The following PIP5K1B variants were observed in gnomAD, a reference collection of about 807,000 sequenced individuals.
PIP5K1B encodes phosphatidylinositol 4-phosphate 5-kinase type-1 beta.
In PIP5K1B, 42 loss-of-function variants were observed where a neutral mutation model predicts 67.0. That is an observed-to-expected ratio of 0.63 (90% CI 0.49 to 0.81). The LOEUF is 0.81. Among genes scored for constraint, PIP5K1B ranks in the 30% least tolerant of loss-of-function variants. PIP5K1B has a pLI of 0.00. For missense variants in PIP5K1B, 459 were observed against 646.3 expected, an observed-to-expected ratio of 0.71 and a Z score of 3.14; for synonymous variants, 214 against 231.4, an observed-to-expected ratio of 0.92 and a Z score of 0.68.
At chr9:68,950,143 A>G (rs545727983) in intron 14 of PIP5K1B, among the ~76,000 whole-genome samples, 164 of 152,272 alleles carry the variant, frequency 1.1e-3, no homozygotes, top group Non-Finnish European at 1.2e-3. Context: ...TCTGACCTGA[A>G]GCCAACATAC....
chr9:68,877,198 C>T (rs952579422), intron 6 of PIP5K1B, among the ~76,000 whole-genome samples: 2 of 152,218 alleles, frequency 1.3e-5, no homozygotes, highest in African/African-American at 2.4e-5. Context: ...CCTTGACCTA[C>T]AAATTTGAGT....
chr9:68,919,363 C>A, intron 9 of PIP5K1B, 116 bp from the exon 10 acceptor site: 4 of 584,638 alleles, frequency 6.8e-6, no homozygotes, highest in East Asian at 3.1e-5. Flanking sequence ...GGGAGATAGC[C>A]CAGAATTCTT....
intron 2 of PIP5K1B, among the ~76,000 whole-genome samples, chr9:68,804,120 G>A (rs569483311): frequency 1.3e-4 from 20 of 152,268 alleles, no homozygotes; most frequent in African/African-American, 4.6e-4. Flanking sequence ...GAGCATAAAG[G>A]GAGTGGGATG....
chr9:68,757,607 T>G (rs1330390270), intron 2 of PIP5K1B, among the ~76,000 whole-genome samples: 1 of 152,184 alleles, frequency 6.6e-6, no homozygotes, highest in Non-Finnish European at 1.5e-5. Flanking sequence ...TAATATGACT[T>G]TCTAAGAATG....
intron 2 of PIP5K1B, chr9:68,782,639 G>A: frequency 6.0e-6 from 1 of 167,154 alleles, no homozygotes. Flanking sequence ...GCCTCAAGAT[G>A]GAGTGAAATT....
At chr9:68,860,013 G>A (rs1433349077) in intron 4 of PIP5K1B, among the ~76,000 whole-genome samples, 4 of 151,950 alleles carry the variant, frequency 2.6e-5, no homozygotes, top group Non-Finnish European at 4.4e-5. Context: ...AGTTAATTGA[G>A]GTAGTGTGCA....
At chr9:68,878,201 T>C (rs1461750318) in intron 6 of PIP5K1B, among the ~76,000 whole-genome samples, 1 of 152,218 alleles carries the variant, frequency 6.6e-6, no homozygotes, top group Non-Finnish European at 1.5e-5. Context: ...TCAAATTTAA[T>C]GGATTCTCTT....
chr9:68,825,927 C>T (rs1359870175), intron 4 of PIP5K1B, among the ~76,000 whole-genome samples: 2 of 152,196 alleles, frequency 1.3e-5, no homozygotes, highest in East Asian at 1.9e-4. Context: ...TATTAGGGAA[C>T]ACTCAGTGTT....
intron 1 of PIP5K1B, among the ~76,000 whole-genome samples, chr9:68,715,961 G>A (rs1455340689): frequency 6.6e-6 from 1 of 152,206 alleles, no homozygotes; most frequent in Admixed American, 6.5e-5. Flanking sequence ...TGAGATACTA[G>A]TGTCTTTGTT....
chr9:69,003,481 G>A (rs1256847333), intron 15 of PIP5K1B, among the ~76,000 whole-genome samples: 8 of 45,650 alleles, frequency 1.8e-4, no homozygotes, highest in South Asian at 6.5e-4. Context: ...AAAAAAAAGG[G>A]GGGGGGATAT....
At chr9:68,740,138 T>G (rs1057274492) in intron 1 of PIP5K1B, among the ~76,000 whole-genome samples, 3 of 152,198 alleles carry the variant, frequency 2.0e-5, no homozygotes, top group Non-Finnish European at 4.4e-5. Context: ...GCCAGTTCTG[T>G]GTGGCCCAAG....
intron 14 of PIP5K1B, among the ~76,000 whole-genome samples, chr9:68,953,180 C>T (rs530701034): frequency 6.6e-6 from 1 of 152,046 alleles, no homozygotes; most frequent in East Asian, 1.9e-4. Flanking sequence ...TGTTTCTGTC[C>T]TAGTTTCTGA....
At chr9:68,788,600 C>T (rs182761612) in intron 2 of PIP5K1B, 5 of 233,784 alleles carry the variant, frequency 2.1e-5, no homozygotes, top group African/African-American at 1.2e-4. Flanking sequence ...GACCCATGGT[C>T]TTCCTTAAAC....
At chr9:68,837,279 A>C (rs1409820500) in intron 4 of PIP5K1B, among the ~76,000 whole-genome samples, 1 of 152,216 alleles carries the variant, frequency 6.6e-6, no homozygotes, top group Non-Finnish European at 1.5e-5. Flanking sequence ...ACTTTACTAA[A>C]TTACCTTTAA....
In PIP5K1B at chr9:68,705,495, C is replaced by A. The variant is rs556592082; in HGVS notation, c.-510C>A. 2.6e-5 allele frequency: 4 copies of A among 151,448 alleles called. No individual in the cohort carries two copies. The East Asian group carries it at 7.8e-4, about 30-fold the overall frequency. 9.4% of individuals were successfully genotyped at this position (151,448 alleles called of 1,614,324 possible). The stretch of plus-strand genomic sequence containing the variant: ...CACTCGCCGCGGCGCGCGCGCACTG[C>A]ACACTCGTAGCCGCGCGCCCCCGCC... On this transcript the variant is annotated 5_prime_UTR_variant, in exon 1 of 16. Coordinates refer to ENST00000265382, the MANE Select transcript of PIP5K1B (RefSeq NM_003558.4).
At chr9:68,707,138 C>A (rs1031094452) in intron 1 of PIP5K1B, among the ~76,000 whole-genome samples, 2 of 152,014 alleles carry the variant, frequency 1.3e-5, no homozygotes, top group African/African-American at 2.4e-5. Flanking sequence ...CTGATATGGT[C>A]CTGTGGGCAG....
chr9:68,935,499 A>G (rs1484521871), intron 13 of PIP5K1B, among the ~76,000 whole-genome samples: 1 of 152,214 alleles, frequency 6.6e-6, no homozygotes, highest in Non-Finnish European at 1.5e-5. Context: ...GGATAGCTAC[A>G]GTAAGATGCA....
chr9:68,750,589 G>A (rs367569991), intron 2 of PIP5K1B, among the ~76,000 whole-genome samples: 53 of 152,338 alleles, frequency 3.5e-4, no homozygotes, highest in African/African-American at 1.1e-3. Flanking sequence ...GAAGAGGAAC[G>A]TGCTCCAACT....
chr9:68,736,187 G>C (rs1321384231), intron 1 of PIP5K1B, among the ~76,000 whole-genome samples: 1 of 152,182 alleles, frequency 6.6e-6, no homozygotes, highest in Non-Finnish European at 1.5e-5. Context: ...CTTTTGAGCA[G>C]AGGAATAGGG....
Sources: gnomAD v4.1 joint callset for allele counts (sites outside exome capture counted in the v4.1 genomes callset) on GRCh38, gnomAD v4.1.1 for gene constraint, MANE v1.5 for transcripts, NCBI Gene and HGNC (gene_info 2026-07-23, HGNC 2026-07-21) for gene names.